The following RIN2 variants were observed in gnomAD, a reference collection of about 807,000 sequenced individuals.
RIN2 encodes the protein RAB5 interacting protein 2.
A neutral mutation model predicts 78.0 loss-of-function variants in RIN2; 36 were observed. That is an observed-to-expected ratio of 0.46 (90% CI 0.35 to 0.61). The LOEUF is 0.61. Among genes scored for constraint, RIN2 ranks in the 20% least tolerant of loss-of-function variants. The probability of loss-of-function intolerance (pLI) is 0.00; values close to 1 mark genes in which losing one functional copy is unlikely to be tolerated. For synonymous variants in RIN2, 466 were observed against 466.8 expected, an observed-to-expected ratio of 1.00 and a Z score of 0.02; for missense variants, 1,087 against 1,159.7, an observed-to-expected ratio of 0.94 and a Z score of 0.91.
intron 9 of RIN2, among the ~76,000 whole-genome samples, chr20:19,982,167 C>A (rs1422905750): frequency 6.6e-6 from 1 of 152,168 alleles, no homozygotes; most frequent in Non-Finnish European, 1.5e-5. Context: ...AAGCAGCGTG[C>A]TTACGAGGTG....
At chr20:19,767,362 A>G (rs922403122) in intron 1 of RIN2, among the ~76,000 whole-genome samples, 1 of 152,194 alleles carries the variant, frequency 6.6e-6, no homozygotes, top group African/African-American at 2.4e-5. Context: ...TAGGTCAGAC[A>G]GTTTCTTTAT....
intron 1 of RIN2, among the ~76,000 whole-genome samples, chr20:19,787,581 G>A (rs556710827): frequency 1.3e-5 from 2 of 152,248 alleles, no homozygotes; most frequent in South Asian, 2.1e-4. Context: ...CTGGCTGTGT[G>A]ACCACAGGCA....
chr20:19,969,516 CTCTT>C (rs1175178306), intron 7 of RIN2, among the ~76,000 whole-genome samples: 1 of 152,190 alleles, frequency 6.6e-6, no homozygotes, highest in Non-Finnish European at 1.5e-5. Flanking sequence ...CACTCAAACA[CTCTT>C]TATTCTCCTT....
intron 12 of RIN2, among the ~76,000 whole-genome samples, chr20:19,998,168 G>C (rs956117890): frequency 6.6e-6 from 1 of 151,938 alleles, no homozygotes; most frequent in African/African-American, 2.4e-5. Flanking sequence ...TTTTAGTAGA[G>C]ATGGGATTTC....
intron 3 of RIN2, among the ~76,000 whole-genome samples, chr20:19,916,056 A>G (rs764284493): frequency 6.6e-6 from 1 of 152,198 alleles, no homozygotes; most frequent in Non-Finnish European, 1.5e-5. Context: ...CCTGGCCAAC[A>G]TGGTGAAGCC....
At chr20:19,814,429 A>G (rs983986358) in intron 2 of RIN2, among the ~76,000 whole-genome samples, 7 of 145,850 alleles carry the variant, frequency 4.8e-5, no homozygotes, top group Non-Finnish European at 1.5e-5. Context: ...TCACTGATTG[A>G]CTTTGCCTTC....
At chr20:19,854,957 C>T (rs545969686) in intron 2 of RIN2, among the ~76,000 whole-genome samples, 4 of 152,234 alleles carry the variant, frequency 2.6e-5, no homozygotes, top group African/African-American at 7.2e-5. Flanking sequence ...CTGTCTTGTG[C>T]CAGTTTTCAA....
At chr20:19,886,516 A>C (rs2038197334) in intron 2 of RIN2, 1 of 575,558 alleles carries the variant, frequency 1.7e-6, no homozygotes, top group Non-Finnish European at 3.1e-6. Context: ...AGCTCCGTTT[A>C]CATTCTTTCA....
At position 19,810,883 on chromosome 20, in the gene RIN2, T is replaced by G. The variant is rs1343865127; in HGVS notation, c.-37+11136T>G. Among the ~76,000 whole-genome samples, 60 of 150,002 alleles carry G rather than the reference T, an allele frequency of 4.0e-4. 2 individuals are homozygous for G. Among genetic ancestry groups the G allele is most frequent in the African/African-American group, 1.4e-3 (59 of 40,926 alleles). On this transcript the variant is annotated intron_variant, in intron 2 of 12. Coordinates refer to ENST00000255006, the MANE Select transcript of RIN2 (RefSeq NM_018993.4). The stretch of plus-strand genomic sequence containing the variant: ...TAAATTTTGTGTGTGTGTGTGTTTT[T>G]TTTTTTTTTAGTAGAGACAGGGTTT...
chr20:19,781,407 G>A (rs2034500741), intron 1 of RIN2, among the ~76,000 whole-genome samples: 1 of 152,154 alleles, frequency 6.6e-6, no homozygotes, highest in Non-Finnish European at 1.5e-5. Flanking sequence ...TTGTATCCTG[G>A]CTTTGGGGAT....
chr20:19,948,433 C>A (rs868220010), intron 4 of RIN2, among the ~76,000 whole-genome samples: 1 of 152,170 alleles, frequency 6.6e-6, no homozygotes, highest in Middle Eastern at 3.2e-3. Flanking sequence ...ATCCATCTGT[C>A]TCCCAGGCTG....
intron 3 of RIN2, among the ~76,000 whole-genome samples, chr20:19,922,866 G>A (rs1280616972): frequency 3.3e-5 from 5 of 152,110 alleles, no homozygotes; most frequent in African/African-American, 9.7e-5. Flanking sequence ...CCTTTCACTC[G>A]CCTGTCTTTG....
chr20:19,862,292 G>A (rs73124238), intron 2 of RIN2, among the ~76,000 whole-genome samples: 16,493 of 152,076 alleles, frequency 0.11, 1,101 homozygotes, highest in Non-Finnish European at 0.15. Flanking sequence ...TGTCCATACT[G>A]CATTCAGAGT....
intron 2 of RIN2, among the ~76,000 whole-genome samples, chr20:19,883,677 C>T (rs2123452673): frequency 6.6e-6 from 1 of 152,192 alleles, no homozygotes. Context: ...CAGAGGAGCC[C>T]ACCTGTTGCC....
intron 2 of RIN2, among the ~76,000 whole-genome samples, chr20:19,808,068 A>G (rs992799454): frequency 1.3e-5 from 2 of 152,270 alleles, no homozygotes; most frequent in African/African-American, 4.8e-5. Flanking sequence ...CCAAACACTC[A>G]TAAGTTATTT....
At chr20:19,891,853 G>C (rs1015724486) in intron 3 of RIN2, among the ~76,000 whole-genome samples, 2 of 152,164 alleles carry the variant, frequency 1.3e-5, no homozygotes, top group African/African-American at 4.8e-5. Context: ...AGAAGAAAAT[G>C]GAGTATAAAG....
rs373686738 is a variant in RIN2 at position 19,811,015 on chromosome 20, T to A, written c.-37+11268T>A. Reference sequence around the variant, plus strand: ...CGTGAACCACCGTGCCCGGCCAAGGTACTGTTTTTCAAATAACGATTGTTT... The same window carrying A: ...CGTGAACCACCGTGCCCGGCCAAGGAACTGTTTTTCAAATAACGATTGTTT... On this transcript the variant is annotated intron_variant, in intron 2 of 12. Transcript: ENST00000255006. 4.4e-4 allele frequency among the ~76,000 whole-genome samples: 66 copies of A among 148,966 alleles called. 2 individuals carry two copies. Among genetic ancestry groups the A allele is most frequent in the African/African-American group, 1.6e-3 (65 of 39,416 alleles).
At chr20:19,965,891 T>G (rs1024298928) in intron 7 of RIN2, among the ~76,000 whole-genome samples, 1 of 152,154 alleles carries the variant, frequency 6.6e-6, no homozygotes, top group African/African-American at 2.4e-5. Flanking sequence ...GGATCACAGG[T>G]GTGAGCCACC....
chr20:19,948,793 T>G (rs1238141419), intron 4 of RIN2, among the ~76,000 whole-genome samples: 1 of 152,146 alleles, frequency 6.6e-6, no homozygotes, highest in African/African-American at 2.4e-5. Flanking sequence ...TGAATGATTT[T>G]AATTTTAATT....
Sources: gnomAD v4.1 joint callset for allele counts (sites outside exome capture counted in the v4.1 genomes callset) on GRCh38, gnomAD v4.1.1 for gene constraint, MANE v1.5 for transcripts, NCBI Gene and HGNC (gene_info 2026-07-23, HGNC 2026-07-21) for gene names.